SYNE1: variants seen among roughly 807,000 people sequenced by gnomAD.
SYNE1 encodes spectrin repeat containing nuclear envelope protein 1, also known as nesprin-1.
Under a neutral mutation model 1,111.0 loss-of-function variants are expected in SYNE1, and 616 were observed. The ratio of observed to expected loss-of-function variants is 0.55; its 90% CI spans 0.52 to 0.59. The LOEUF (loss-of-function observed/expected upper bound fraction) is 0.59. SYNE1 is among the 20% of genes least tolerant of loss of function. The pLI, the probability that SYNE1 is intolerant of heterozygous loss-of-function variation, is 0.00. For synonymous variants in SYNE1, 3,855 were observed against 3,825.8 expected (o/e 1.01, Z -0.28); for missense variants, 10,006 against 10,417.0 (o/e 0.96, Z 1.72).
rs182223686 is a variant in SYNE1, at chr6:152,524,179, G to C, written c.225+1901C>G. On this transcript the variant is annotated intron_variant, in intron 5 of 145. Transcript: ENST00000367255. ...TTCCCCATTCAGTATGATGTTAGCT[G>C]TGGATTTGTCATATATGGCTTTTAT... Among the ~76,000 whole-genome samples the C allele has an allele frequency of 1.3e-3, 195 of 152,246 alleles. 6 individuals carry two copies. In the East Asian group the frequency reaches 0.032, roughly 25 times the overall value.
At chr6:152,373,952 G>C (rs1192560077) in intron 58 of SYNE1, among the ~76,000 whole-genome samples, 2 of 152,192 alleles carry the variant, frequency 1.3e-5, no homozygotes, top group Non-Finnish European at 2.9e-5. Flanking sequence ...GACTCGCAGA[G>C]CCTACTGGAT....
chr6:152,199,102 T>A (rs1327916004), intron 127 of SYNE1, among the ~76,000 whole-genome samples: 2 of 152,190 alleles, frequency 1.3e-5, no homozygotes, highest in Admixed American at 6.5e-5. Flanking sequence ...CATAATTTGA[T>A]AAATTGCTAA....
Position 152,139,608 on chromosome 6 carries a change from G to A in SYNE1, c.25458+342C>T, listed in dbSNP as rs141285633. On this transcript the variant is annotated intron_variant, in intron 140 of 145. Transcript: ENST00000367255. ...GAAAGGAAGGAAGGAAGGGAGGGAG[G>A]GGGGAGAGAGGAAGGAAGGAAGGAA... Among the ~76,000 whole-genome samples the A allele has an allele frequency of 4.3e-5, 6 of 140,420 alleles. No homozygotes were observed. In the East Asian group the frequency reaches 1.0e-3, roughly 25 times the overall value. The allele number at this position is 140,420 out of a possible 152,430, so 92.1% of individuals were successfully genotyped here. A position where few individuals can be genotyped will look rare whatever the true frequency, so the allele number is the denominator to read the frequency against.
At position 152,302,053 on chromosome 6, in the gene SYNE1, T is replaced by C. The variant is rs576586315; in HGVS notation, c.17357A>G (p.Gln5786Arg). 5 of 1,614,264 alleles carry C rather than the reference T, an allele frequency of 3.1e-6. No individual in the cohort carries two copies. In the African/African-American group the frequency reaches 4.0e-5, roughly 13 times the overall value. Residue 5786 changes from glutamine (Q) to arginine (R), a missense_variant, in exon 92 of 146, where the codon CAG becomes CGG. Gln to Arg is a conservative substitution (Grantham distance 43). Around this residue, in one of 7 missense-constraint regions of SYNE1, gnomAD observed 4,955 missense variants for 5,017.2 expected, o/e 0.99. Coordinates refer to ENST00000367255, the MANE Select transcript of SYNE1 (RefSeq NM_182961.4). Reference sequence around the variant, plus strand: ...CTGCTCCTGGTAGCCCTTAATTTTCTGCGCCAGCTCCTGAGGAAACATTTC... The same window carrying C: ...CTGCTCCTGGTAGCCCTTAATTTTCCGCGCCAGCTCCTGAGGAAACATTTC... ...AQISRHEELA[Q>R]KIKGYQEQIA...
At chr6:152,138,286 G>A (rs375303222) in intron 140 of SYNE1, among the ~76,000 whole-genome samples, 69 of 152,098 alleles carry the variant, frequency 4.5e-4, no homozygotes, top group African/African-American at 1.6e-3. Flanking sequence ...CGAGGCGGGC[G>A]GATCACTTGA....
At chr6:152,197,883 A>C (rs772585263) in intron 127 of SYNE1, among the ~76,000 whole-genome samples, 3 of 152,168 alleles carry the variant, frequency 2.0e-5, no homozygotes, top group Admixed American at 6.5e-5. Context: ...TTTTCTCTGA[A>C]GCTTTCGAGC....
rs9479265 is a variant in SYNE1, at chr6:152,213,843, T to C, written c.22347-84A>G. 157,317 of 1,571,342 alleles carry C rather than the reference T, an allele frequency of 0.1. 9,092 individuals are homozygous for C. Among genetic ancestry groups the C allele is most frequent in the Admixed American group, 0.19 (11,307 of 59,232 alleles). On this transcript the variant is annotated intron_variant, in intron 122 of 145. Transcript: ENST00000367255. ...GCATATAAAACTAGATTAAATAATC[T>C]CTGTGCTCAATTCTAATTGAACCAC...
At position 152,326,092 on chromosome 6, in the gene SYNE1, G is replaced by A. The variant is rs1270730854; in HGVS notation, c.15304C>T (p.Gln5102Ter). 1.9e-6 allele frequency: 3 copies of A among 1,614,032 alleles called. No homozygotes were observed. The highest frequency in any genetic ancestry group is 2.2e-5 in the East Asian group (1 of 44,882). The stretch of plus-strand genomic sequence containing the variant: ...CTTGCTTTCTGGTAATCGTGCCATT[G>A]AGCTGTGCATCTTGAAAGAGTCCAA... ...QVDLLQRCTA[Q>*]WHDYQKAREE... The change falls in exon 80 of 146, where the codon CAA (glutamine) becomes TAA (stop). Residue 5102 changes from glutamine (Q) to a stop codon, truncating the protein, a stop_gained. Transcript: ENST00000367255. LOFTEE classifies it high-confidence loss of function.
At chr6:152,620,724 C>T (rs9397537) in intron 3 of SYNE1, among the ~76,000 whole-genome samples, 11,947 of 152,098 alleles carry the variant, frequency 0.079, 772 homozygotes, top group East Asian at 0.16. Context: ...TCAAAAATAA[C>T]CTCTATTCCG....
At chr6:152,288,542 T>G (rs943301292) in intron 95 of SYNE1, among the ~76,000 whole-genome samples, 2 of 152,220 alleles carry the variant, frequency 1.3e-5, no homozygotes, top group African/African-American at 4.8e-5. Context: ...AACTGTTCAC[T>G]TAAATCTTTT....
At chr6:152,503,731 T>C (rs1000568302) in intron 9 of SYNE1, among the ~76,000 whole-genome samples, 3 of 152,166 alleles carry the variant, frequency 2.0e-5, no homozygotes, top group Admixed American at 2.0e-4. Context: ...GAAGCGAAGA[T>C]AATGTATTCT....
chr6:152,244,748 C>G lies in SYNE1; in HGVS notation c.19573-92G>C. ...TTGTATCTCTTTCTGTGTTCCTCCT[C>G]TCCATGTAAAACATTCTCAATATAT... On this transcript the variant is annotated intron_variant, in intron 105 of 145. Coordinates refer to ENST00000367255, the MANE Select transcript of SYNE1 (RefSeq NM_182961.4). The G allele has an allele frequency of 3.3e-6, 5 of 1,531,292 alleles. No individual in the cohort carries two copies. In the South Asian group the frequency reaches 5.6e-5, roughly 17 times the overall value. 94.9% of individuals were successfully genotyped at this position (1,531,292 alleles called of 1,614,324 possible).
intron 91 of SYNE1, among the ~76,000 whole-genome samples, chr6:152,307,833 CTTGT>C (rs78506348): frequency 2.0e-5 from 3 of 151,562 alleles, no homozygotes; most frequent in East Asian, 3.9e-4. Flanking sequence ...AATATTAAGT[CTTGT>C]TTGTTTGTTT....
In SYNE1 at chr6:152,367,367, G is replaced by A. The variant is rs761873757; in HGVS notation, c.9823C>T (p.Leu3275=). 3 of 1,614,062 alleles carry A rather than the reference G, an allele frequency of 1.9e-6. No individual in the cohort carries two copies. In the South Asian group the frequency reaches 3.3e-5, roughly 18 times the overall value. The change falls in exon 62 of 146, where the codon CTG becomes TTG. Residue 3275 remains leucine, a synonymous_variant. Transcript: ENST00000367255. ...TTGTGTTCTGCAACGATTCTATCCA[G>A]TCTTGACACTTTCTCCTGGAAATGA... is the stretch of plus-strand genomic sequence containing the variant. ...SNLTKEKVSR[L]DRIVAEHNQF...
At chr6:152,410,799 G>T (rs1049914360) in intron 42 of SYNE1, among the ~76,000 whole-genome samples, 4 of 152,078 alleles carry the variant, frequency 2.6e-5, no homozygotes, top group African/African-American at 9.7e-5. Context: ...ATTTTCCAAA[G>T]AAATAAAATT....
chr6:152,236,203 CT>C lies in SYNE1; in HGVS notation c.20299del (p.Ser6767AlafsTer3), dbSNP rs1481897216. ...GCACTCTCCAAGTTGATTTAGTTGG[CT>C]TTCTAGATCTGAGCAGCTGATGGAT... ...LISISCSDLE[S>X]QLNQLGECWL... On this transcript the variant is annotated frameshift_variant, in exon 110 of 146. Coordinates refer to ENST00000367255, the MANE Select transcript of SYNE1 (RefSeq NM_182961.4). LOFTEE classifies it high-confidence loss of function. 1.2e-6 allele frequency: 2 copies of C among 1,614,128 alleles called. No individual in the cohort carries two copies. Among genetic ancestry groups the C allele is most frequent in the Non-Finnish European group, 1.7e-6 (2 of 1,180,014 alleles).
chr6:152,170,779 A>G lies in SYNE1; in HGVS notation c.23627+5615T>C, dbSNP rs370538465. On this transcript the variant is annotated intron_variant, in intron 130 of 145. Transcript: ENST00000367255. Reference sequence around the variant, plus strand: ...GGATGAGAGCTGACCTCTATTGAACATATTCTATGCTTAGCGGTTGATATG... The same window carrying G: ...GGATGAGAGCTGACCTCTATTGAACGTATTCTATGCTTAGCGGTTGATATG... Among the ~76,000 whole-genome samples, 4 of 152,164 alleles carry G rather than the reference A, an allele frequency of 2.6e-5. No homozygotes were observed. In the East Asian group the frequency reaches 7.7e-4, roughly 29 times the overall value.
intron 36 of SYNE1, among the ~76,000 whole-genome samples, chr6:152,429,559 TG>T (rs1385055376): frequency 6.6e-6 from 1 of 152,200 alleles, no homozygotes; most frequent in Non-Finnish European, 1.5e-5. Flanking sequence ...GAATCATATT[TG>T]TATTTTTGTT....
chr6:152,214,070 G>A (rs943853108), intron 122 of SYNE1, among the ~76,000 whole-genome samples: 3 of 151,880 alleles, frequency 2.0e-5, no homozygotes, highest in African/African-American at 7.3e-5. Context: ...GTGTGGTGGT[G>A]TGTGACTGTA....
Sources: gnomAD v4.1 joint callset for allele counts (sites outside exome capture counted in the v4.1 genomes callset) on GRCh38, gnomAD v4.1.1 for gene constraint, gnomAD v4.1.1 regional missense constraint, MANE v1.5 for transcripts, NCBI Gene and HGNC (gene_info 2026-07-23, HGNC 2026-07-21) for gene names.